ELL: variants seen among roughly 807,000 people sequenced by gnomAD.
The protein encoded by ELL is RNA polymerase II elongation factor ELL.
A neutral mutation model predicts 64.0 loss-of-function variants in ELL; 18 were observed. The observed-to-expected ratio is 0.28, with a 90% CI of 0.19 to 0.42. The LOEUF (loss-of-function observed/expected upper bound fraction) is 0.42, where lower values mean the gene tolerates loss of function less well. Among genes scored for constraint, ELL ranks in the 10% least tolerant of loss-of-function variants. The pLI, the probability that ELL is intolerant of heterozygous loss-of-function variation, is 1.00. For synonymous variants in ELL, 399 were observed against 376.2 expected, an observed-to-expected ratio of 1.06 and a Z score of -0.70; for missense variants, 797 against 870.4, an observed-to-expected ratio of 0.92 and a Z score of 1.06.
chr19:18,489,217 G>A (rs1052763759), intron 1 of ELL, among the ~76,000 whole-genome samples: 2 of 152,246 alleles, frequency 1.3e-5, no homozygotes, highest in Non-Finnish European at 2.9e-5. Flanking sequence ...CAAGTGTGCT[G>A]TGGATCTAGG....
intron 1 of ELL, among the ~76,000 whole-genome samples, chr19:18,486,049 T>C (rs1189602153): frequency 6.6e-6 from 1 of 151,162 alleles, no homozygotes; most frequent in Non-Finnish European, 1.5e-5. Flanking sequence ...CCTGGATGCA[T>C]CACGAAGCCC....
At chr19:18,456,221 C>T (rs374483094) in intron 6 of ELL, among the ~76,000 whole-genome samples, 8 of 152,172 alleles carry the variant, frequency 5.3e-5, no homozygotes, top group Non-Finnish European at 1.2e-4. Context: ...GACAGAAGGA[C>T]GGATAGACGG....
At chr19:18,465,745 C>A in intron 3 of ELL, 52 bp downstream of exon 3, 9 of 1,428,800 alleles carry the variant, frequency 6.3e-6, no homozygotes, top group Non-Finnish European at 8.3e-6. Flanking sequence ...CCAGAGGTGG[C>A]AGGGTGACCT....
At chr19:18,466,438 C>T (rs1974936662) in intron 2 of ELL, among the ~76,000 whole-genome samples, 1 of 152,232 alleles carries the variant, frequency 6.6e-6, no homozygotes, top group Admixed American at 6.5e-5. Context: ...TCTCCATTTG[C>T]TGCAGCTGTG....
intron 6 of ELL, among the ~76,000 whole-genome samples, chr19:18,452,466 T>A (rs1974560781): frequency 6.6e-6 from 1 of 152,092 alleles, no homozygotes; most frequent in Non-Finnish European, 1.5e-5. Context: ...GACAGAAAAC[T>A]GAGAACAGGC....
intron 1 of ELL, among the ~76,000 whole-genome samples, chr19:18,511,192 G>A (rs1192243616): frequency 3.3e-5 from 5 of 151,930 alleles, no homozygotes; most frequent in Admixed American, 6.6e-5. Flanking sequence ...GCATGAACCC[G>A]GGAGGTAGAG....
At chr19:18,491,468 G>A (rs558933028) in intron 1 of ELL, among the ~76,000 whole-genome samples, 55 of 152,018 alleles carry the variant, frequency 3.6e-4, no homozygotes, top group African/African-American at 1.3e-3. Context: ...GGTGGGCCTC[G>A]TCCAATCAGT....
intron 1 of ELL, among the ~76,000 whole-genome samples, chr19:18,477,203 G>A (rs1036786401): frequency 7.2e-5 from 11 of 152,178 alleles, no homozygotes; most frequent in African/African-American, 1.7e-4. Flanking sequence ...GCTGAGACAC[G>A]GAGGATCGGA....
In ELL at chr19:18,444,510, G is replaced by A; in HGVS notation, c.*242C>T. 1 of 465,652 alleles carries A rather than the reference G, an allele frequency of 2.1e-6. No homozygotes were observed. Among genetic ancestry groups the A allele is most frequent in the Non-Finnish European group, 3.8e-6 (1 of 261,058 alleles). The allele number at this position is 465,652 out of a possible 1,614,324, so 28.8% of individuals were successfully genotyped here. A position where few individuals can be genotyped will look rare whatever the true frequency, so the allele number is the denominator to read the frequency against. ...GGCTGAACCCCGGAGGCTGCAGCCA[G>A]GGAGGAGGCAGTGGGCTTCCTGGGG... On this transcript the variant is annotated 3_prime_UTR_variant, in exon 12 of 12. Transcript: ENST00000262809.
intron 1 of ELL, among the ~76,000 whole-genome samples, chr19:18,521,310 C>G (rs1976266874): frequency 6.6e-6 from 1 of 152,126 alleles, no homozygotes; most frequent in Non-Finnish European, 1.5e-5. Flanking sequence ...CTCCCCGTCC[C>G]AAGAACCAAA....
At chr19:18,521,294 C>T (rs1976266010) in intron 1 of ELL, among the ~76,000 whole-genome samples, 1 of 152,102 alleles carries the variant, frequency 6.6e-6, no homozygotes, top group Admixed American at 6.5e-5. Context: ...TCAGTTTCTG[C>T]CCAAACTCCC....
intron 2 of ELL, among the ~76,000 whole-genome samples, chr19:18,468,042 CCACA>C (rs1221954853): frequency 6.7e-6 from 1 of 148,780 alleles, no homozygotes; most frequent in Non-Finnish European, 1.5e-5. Flanking sequence ...TGCACAACCC[CCACA>C]CACACAGCCA....
rs73923122 is a variant in ELL at position 18,480,928 on chromosome 19, C to T, written c.136-8046G>A. 9.3e-3 allele frequency among the ~76,000 whole-genome samples: 1,422 copies of T among 152,284 alleles called. 20 individuals carry two copies. Among genetic ancestry groups the T allele is most frequent in the African/African-American group, 0.032 (1,339 of 41,526 alleles). On this transcript the variant is annotated intron_variant, in intron 1 of 11. Coordinates refer to ENST00000262809, the MANE Select transcript of ELL (RefSeq NM_006532.4). The stretch of plus-strand genomic sequence containing the variant: ...GGATTACAGGTGTGAGCCACCGCAC[C>T]CAGCCCGCAGCAGATATTTCTATCT...
chr19:18,507,552 T>C (rs1975908276), intron 1 of ELL, among the ~76,000 whole-genome samples: 1 of 152,222 alleles, frequency 6.6e-6, no homozygotes, highest in Admixed American at 6.5e-5. Context: ...TGCCTGCCCA[T>C]GTCCACCACC....
rs1975922115 is a variant in ELL, at chr19:18,507,964, C to A, written c.135+13957G>T. ...TGCTCCCAACTCCACAAGGGACACACAAGCCAGCCCTTCCCATCCAGGCTG... is the reference window on the plus strand; with the variant it reads ...TGCTCCCAACTCCACAAGGGACACAAAAGCCAGCCCTTCCCATCCAGGCTG... On this transcript the variant is annotated intron_variant, in intron 1 of 11. Coordinates refer to ENST00000262809, the MANE Select transcript of ELL (RefSeq NM_006532.4). Among the ~76,000 whole-genome samples, 4 of 152,210 alleles carry A rather than the reference C, an allele frequency of 2.6e-5. No individual in the cohort carries two copies. In the South Asian group the frequency reaches 8.3e-4, roughly 31 times the overall value.
chr19:18,505,585 G>C (rs1286348802), intron 1 of ELL, among the ~76,000 whole-genome samples: 1 of 152,188 alleles, frequency 6.6e-6, no homozygotes, highest in Admixed American at 6.5e-5. Flanking sequence ...GCCTGGGAGA[G>C]AGCTGGGGTT....
intron 2 of ELL, among the ~76,000 whole-genome samples, chr19:18,469,301 C>T (rs1975013833): frequency 6.6e-6 from 1 of 152,336 alleles, no homozygotes; most frequent in South Asian, 2.1e-4. Flanking sequence ...GCACACGAAG[C>T]GCTATGGAGC....
At chr19:18,521,070 T>C (rs1443779605) in intron 1 of ELL, among the ~76,000 whole-genome samples, 1 of 151,848 alleles carries the variant, frequency 6.6e-6, no homozygotes, top group Non-Finnish European at 1.5e-5. Context: ...CGCCTCAAAC[T>C]TCCCCCAGAT....
intron 1 of ELL, among the ~76,000 whole-genome samples, chr19:18,481,715 C>T (rs1175385375): frequency 6.6e-6 from 1 of 152,208 alleles, no homozygotes; most frequent in Non-Finnish European, 1.5e-5. Flanking sequence ...CTGTGTGTTG[C>T]CCCGCAGTAT....
Sources: allele counts gnomAD v4.1 joint callset (sites outside exome capture counted in the v4.1 genomes callset), GRCh38; gene constraint gnomAD v4.1.1; transcripts MANE v1.5; gene names NCBI Gene and HGNC (gene_info 2026-07-23, HGNC 2026-07-21).